IL16: variants seen among roughly 807,000 people sequenced by gnomAD.
IL16 encodes pro-interleukin-16.
In IL16, 67 loss-of-function variants were observed where a neutral mutation model predicts 110.1. That is an observed-to-expected ratio of 0.61 (90% CI 0.50 to 0.75). The LOEUF (loss-of-function observed/expected upper bound fraction) is 0.75. IL16 is among the 30% of genes least tolerant of loss of function. The probability of loss-of-function intolerance (pLI) is 0.00; values close to 1 mark genes in which losing one functional copy is unlikely to be tolerated. For missense variants in IL16, 1,545 were observed against 1,655.0 expected (o/e 0.93, Z 1.15); for synonymous variants, 689 against 662.9 (o/e 1.04, Z -0.61).
At chr15:81,189,967 G>A (rs189290495) in intron 1 of IL16, among the ~76,000 whole-genome samples, 7 of 152,330 alleles carry the variant, frequency 4.6e-5, no homozygotes, top group Admixed American at 2.6e-4. Context: ...GACTGAAAGC[G>A]TGGGACAAAT....
At chr15:81,238,926 T>C (rs1897261429) in intron 2 of IL16, among the ~76,000 whole-genome samples, 1 of 151,916 alleles carries the variant, frequency 6.6e-6, no homozygotes, top group South Asian at 2.1e-4. Context: ...AATTTCTTTA[T>C]GCTTAAAAAA....
At chr15:81,205,758 T>C (rs1895994638) in intron 1 of IL16, among the ~76,000 whole-genome samples, 1 of 137,420 alleles carries the variant, frequency 7.3e-6, no homozygotes, top group Admixed American at 8.0e-5. Flanking sequence ...AGTCCAATTA[T>C]ATCCCACTTT....
In IL16 at chr15:81,312,914, A is replaced by T. The variant is rs1900940250; in HGVS notation, c.*4116A>T. The T allele has an allele frequency of 6.1e-6, 1 of 163,498 alleles. No homozygotes were observed. The highest frequency in any genetic ancestry group is 2.4e-5 in the African/African-American group (1 of 41,852). 10.1% of individuals were successfully genotyped at this position (163,498 alleles called of 1,614,324 possible). On this transcript the variant is annotated 3_prime_UTR_variant, in exon 19 of 19. Coordinates refer to ENST00000683961, the MANE Select transcript of IL16 (RefSeq NM_172217.5). The stretch of plus-strand genomic sequence containing the variant: ...AACGTGGTCTCTGAGAGTGATGGGC[A>T]CATAAAGCCTTGGTGCCAGAGTGCA...
At chr15:81,183,179 A>C (rs1238652241) in intron 1 of IL16, among the ~76,000 whole-genome samples, 2 of 152,210 alleles carry the variant, frequency 1.3e-5, no homozygotes, top group East Asian at 3.9e-4. Flanking sequence ...CAGGACCCCC[A>C]CAGGGGAGGA....
intron 1 of IL16, among the ~76,000 whole-genome samples, chr15:81,184,076 G>A (rs1486513593): frequency 2.6e-5 from 4 of 152,282 alleles, no homozygotes; most frequent in Non-Finnish European, 1.5e-5. Flanking sequence ...CTGGCTCTTC[G>A]TATAGCAGAA....
chr15:81,301,268 C>T, intron 14 of IL16, 76 bp from the exon 15 acceptor site: 1 of 1,320,970 alleles, frequency 7.6e-7, no homozygotes, highest in Non-Finnish European at 1.0e-6. Context: ...ACACCTGGGA[C>T]ATAGTAATTA....
rs1328408304 is a variant in IL16 at position 81,300,046 on chromosome 15, G to C, written c.2720G>C (p.Gly907Ala). 1 of 1,568,596 alleles carries C rather than the reference G, an allele frequency of 6.4e-7. No homozygotes were observed. The highest frequency in any genetic ancestry group is 1.2e-5 in the South Asian group (1 of 83,108). The change falls in exon 14 of 19, where the codon GGG becomes GCG. Residue 907 changes from glycine (G) to alanine (A), a missense_variant. By Grantham distance (60) the Gly-to-Ala change is moderately conservative. Around this residue, in one of 3 missense-constraint regions of IL16, gnomAD observed 1,185 missense variants for 1,238.8 expected, o/e 0.96. Transcript: ENST00000683961. ...CAGCCTGAGCAAGTACTGTCCTCGG[G>C]GTCCCCTGCAGCCTCCGAGGCCAGA... is the stretch of plus-strand genomic sequence containing the variant. ...PQQPEQVLSS[G>A]SPAASEARDP... is the part of the protein sequence containing the mutation.
chr15:81,199,855 G>A (rs898566247), intron 1 of IL16, among the ~76,000 whole-genome samples: 3 of 152,148 alleles, frequency 2.0e-5, no homozygotes, highest in South Asian at 2.1e-4. Flanking sequence ...CCCAGCTCCC[G>A]AATCTGAGTA....
rs932122970 is a variant in IL16, at chr15:81,313,473, G to T, written c.*4675G>T. ...TGCTGGGGACGAGCGCCAGGCAGGT[G>T]AGCAGAGCCCAGCCCAGTGGAAATG... On this transcript the variant is annotated 3_prime_UTR_variant, in exon 19 of 19. Transcript: ENST00000683961. 5 of 1,406,818 alleles carry T rather than the reference G, an allele frequency of 3.6e-6. No individual in the cohort carries two copies. The South Asian group carries it at 8.3e-5, about 23-fold the overall frequency. The allele number at this position is 1,406,818 out of a possible 1,614,324, so 87.1% of individuals were successfully genotyped here.
chr15:81,241,807 C>T (rs1237989622), intron 2 of IL16, among the ~76,000 whole-genome samples: 2 of 152,022 alleles, frequency 1.3e-5, no homozygotes, highest in African/African-American at 4.8e-5. Context: ...AAGGTTCCCT[C>T]ATGTTACCTT....
intron 3 of IL16, 93 bp from the exon 4 acceptor site, chr15:81,265,566 C>T: frequency 7.1e-7 from 1 of 1,414,574 alleles, no homozygotes; most frequent in South Asian, 1.3e-5. Flanking sequence ...TCACACTGGC[C>T]CCTGGCTAAT....
intron 1 of IL16, among the ~76,000 whole-genome samples, chr15:81,213,196 T>C (rs1359952710): frequency 1.3e-5 from 2 of 152,226 alleles, no homozygotes; most frequent in East Asian, 3.8e-4. Flanking sequence ...TATGTAGTTT[T>C]GAGAAAGCTT....
rs1567052515 is a variant in IL16, at chr15:81,310,989, G to A, written c.*2191G>A. On this transcript the variant is annotated 3_prime_UTR_variant, in exon 19 of 19. Transcript: ENST00000683961. Reference sequence around the variant, plus strand: ...CCCAAGGAGACACAACAACTCCTAGGGCCACTGAAGATATAACTATTGCCC... The same window carrying A: ...CCCAAGGAGACACAACAACTCCTAGAGCCACTGAAGATATAACTATTGCCC... 1 of 152,204 alleles carries A rather than the reference G, an allele frequency of 6.6e-6. No homozygotes were observed. The highest frequency in any genetic ancestry group is 1.9e-4 in the East Asian group (1 of 5,200). The allele number at this position is 152,204 out of a possible 1,614,324, so 9.4% of individuals were successfully genotyped here.
At chr15:81,226,275 G>A (rs1896785538) in intron 2 of IL16, among the ~76,000 whole-genome samples, 1 of 152,216 alleles carries the variant, frequency 6.6e-6, no homozygotes, top group African/African-American at 2.4e-5. Flanking sequence ...AATAAGCAGT[G>A]TCTGGGGACC....
chr15:81,196,820 G>A (rs975947469), upstream of IL16: 10 of 1,111,082 alleles, frequency 9.0e-6, no homozygotes, highest in Non-Finnish European at 1.1e-5. Flanking sequence ...GCCTTTTCAC[G>A]TGGAGCAGTC....
At chr15:81,230,401 C>T (rs1420573757) in intron 2 of IL16, among the ~76,000 whole-genome samples, 2 of 152,330 alleles carry the variant, frequency 1.3e-5, no homozygotes, top group African/African-American at 4.8e-5. Flanking sequence ...CTCCTCTTTC[C>T]TCTCTTCCTT....
intron 1 of IL16, among the ~76,000 whole-genome samples, chr15:81,224,390 G>A (rs1896719265): frequency 1.3e-5 from 2 of 152,194 alleles, no homozygotes; most frequent in Admixed American, 1.3e-4. Flanking sequence ...TTCACCACCT[G>A]CTTCATGGAA....
intron 2 of IL16, among the ~76,000 whole-genome samples, chr15:81,254,604 AG>A (rs1897883967): frequency 2.0e-5 from 3 of 152,188 alleles, no homozygotes; most frequent in Admixed American, 2.0e-4. Flanking sequence ...ACCTCTGCCC[AG>A]GGCCACAGTC....
chr15:81,287,469 G>A (rs1899503089), intron 10 of IL16, among the ~76,000 whole-genome samples: 2 of 152,250 alleles, frequency 1.3e-5, no homozygotes, highest in South Asian at 2.1e-4. Context: ...GGGGAACCTG[G>A]AATAATCACC....
Sources: allele counts gnomAD v4.1 joint callset (sites outside exome capture counted in the v4.1 genomes callset), GRCh38; gene constraint gnomAD v4.1.1; regional missense constraint gnomAD v4.1.1; transcripts MANE v1.5; gene names NCBI Gene and HGNC (gene_info 2026-07-23, HGNC 2026-07-21).